The following ARHGEF28 variants were observed in gnomAD, a reference collection of about 807,000 sequenced individuals.
ARHGEF28 encodes the protein 190 kDa guanine nucleotide exchange factor.
A neutral mutation model predicts 206.6 loss-of-function variants in ARHGEF28; 152 were observed. The ratio of observed to expected loss-of-function variants is 0.74; its 90% CI spans 0.64 to 0.84. ARHGEF28 has a LOEUF of 0.84. Ranked by LOEUF, ARHGEF28 falls within the 40% of genes least tolerant of loss-of-function variation. The pLI, the probability that ARHGEF28 is intolerant of heterozygous loss-of-function variation, is 0.00. For synonymous variants in ARHGEF28, 763 were observed against 776.4 expected (o/e 0.98, Z 0.29); for missense variants, 2,028 against 2,073.2 (o/e 0.98, Z 0.42).
chr5:73,763,760 A>G (rs1580585072), intron 4 of ARHGEF28, among the ~76,000 whole-genome samples: 1 of 152,274 alleles, frequency 6.6e-6, no homozygotes, highest in Middle Eastern at 3.4e-3. Context: ...AAAAATCGAT[A>G]AAGGCTGGAA....
At chr5:73,628,809 A>G (rs899150512) in intron 1 of ARHGEF28, among the ~76,000 whole-genome samples, 7 of 152,120 alleles carry the variant, frequency 4.6e-5, no homozygotes, top group African/African-American at 1.4e-4. Context: ...GCTTTGAGAT[A>G]TTTTTCTTGC....
chr5:73,891,980 T>C, intron 26 of ARHGEF28, 72 bp from the exon 27 acceptor site: 1 of 1,410,112 alleles, frequency 7.1e-7, no homozygotes, highest in Middle Eastern at 2.4e-4. Flanking sequence ...TTGCTTCCTT[T>C]AGCTCATGTT....
chr5:73,732,698 C>T (rs372050021), intron 2 of ARHGEF28, among the ~76,000 whole-genome samples: 40 of 152,222 alleles, frequency 2.6e-4, no homozygotes, highest in East Asian at 9.6e-4. Flanking sequence ...GGGATTTGCT[C>T]GGTTTATTGC....
intron 6 of ARHGEF28, 197 bp from the exon 7 acceptor site, chr5:73,780,479 G>C: frequency 1.7e-6 from 1 of 573,010 alleles, no homozygotes; most frequent in Non-Finnish European, 3.1e-6. Context: ...CCCCTGCCTT[G>C]GAGTTTCTCC....
At chr5:73,882,411 T>C (rs1190950636) in intron 22 of ARHGEF28, 61 bp from the exon 23 acceptor site, 1 of 1,184,802 alleles carries the variant, frequency 8.4e-7, no homozygotes, top group African/African-American at 1.6e-5. Context: ...AAATTGCATA[T>C]TTTTTGTGTG....
chr5:73,817,789 T>G (rs955431136), intron 9 of ARHGEF28, among the ~76,000 whole-genome samples: 2 of 152,118 alleles, frequency 1.3e-5, no homozygotes, highest in African/African-American at 4.8e-5. Context: ...CCTGGTATGT[T>G]TCACCACCTC....
At chr5:73,783,969 G>A (rs1190888982) in intron 7 of ARHGEF28, among the ~76,000 whole-genome samples, 1 of 152,058 alleles carries the variant, frequency 6.6e-6, no homozygotes, top group African/African-American at 2.4e-5. Context: ...TTTTGTATTT[G>A]TCTACCCTTG....
intron 13 of ARHGEF28, among the ~76,000 whole-genome samples, chr5:73,851,422 A>ATTT (rs1758696986): frequency 7.0e-6 from 1 of 143,734 alleles, no homozygotes; most frequent in Admixed American, 7.0e-5. Context: ...TTTTTTTTTG[A>ATTT]GCCAAGAGTA....
At chr5:73,730,146 T>C (rs1342472256) in intron 2 of ARHGEF28, among the ~76,000 whole-genome samples, 1 of 152,240 alleles carries the variant, frequency 6.6e-6, no homozygotes, top group Non-Finnish European at 1.5e-5. Flanking sequence ...TGGTTAAGTT[T>C]ATAGCTTATA....
At chr5:73,668,209 G>T (rs1461144941) in intron 1 of ARHGEF28, among the ~76,000 whole-genome samples, 2 of 152,120 alleles carry the variant, frequency 1.3e-5, no homozygotes, top group South Asian at 2.1e-4. Context: ...TCATTTTCGG[G>T]TGTTTGTTAT....
At chr5:73,741,356 T>TGTGTGTGTGC in intron 2 of ARHGEF28, among the ~76,000 whole-genome samples, 1 of 44,822 alleles carries the variant, frequency 2.2e-5, no homozygotes, top group Non-Finnish European at 4.1e-5. Flanking sequence ...TGTGTGTGTG[T>TGTGTGTGTGC]GTGTGTGTGT....
intron 1 of ARHGEF28, among the ~76,000 whole-genome samples, chr5:73,658,930 A>G (rs1036657612): frequency 1.3e-4 from 19 of 151,472 alleles, no homozygotes; most frequent in African/African-American, 2.4e-5. Context: ...TGTATAGACC[A>G]CATACCTAGA....
chr5:73,857,042 A>G (rs1313025158), intron 14 of ARHGEF28, among the ~76,000 whole-genome samples: 1 of 152,110 alleles, frequency 6.6e-6, no homozygotes, highest in African/African-American at 2.4e-5. Flanking sequence ...AGTTACCTCT[A>G]CCTTGCTTCT....
At chr5:73,661,164 C>T (rs1745576554) in intron 1 of ARHGEF28, among the ~76,000 whole-genome samples, 1 of 152,258 alleles carries the variant, frequency 6.6e-6, no homozygotes, top group South Asian at 2.1e-4. Context: ...TAACTTGCTG[C>T]AGAGTCTACA....
rs150397802 is a variant in ARHGEF28 at position 73,718,178 on chromosome 5, T to C, written c.34-31659T>C. Among the ~76,000 whole-genome samples the C allele has an allele frequency of 7.2e-4, 109 of 152,240 alleles. 2 individuals are homozygous for C. In the East Asian group the frequency reaches 0.014, roughly 19 times the overall value. On this transcript the variant is annotated intron_variant, in intron 2 of 35. Coordinates refer to ENST00000513042, the MANE Select transcript of ARHGEF28 (RefSeq NM_001177693.2). ...TGAGCCACCACACTGGGCCAAAATT[T>C]GTTTTTGGTATGTATACTAGTTAGC...
chr5:73,742,595 C>T (rs529799681), intron 2 of ARHGEF28, among the ~76,000 whole-genome samples: 3 of 151,272 alleles, frequency 2.0e-5, no homozygotes, highest in Admixed American at 6.6e-5. Context: ...GAGGCCGAGG[C>T]GGGTGGATCA....
Position 73,873,177 on chromosome 5 carries a change from G to T in ARHGEF28, c.2745G>T (p.Arg915Ser). The T allele has an allele frequency of 6.2e-7, 1 of 1,612,336 alleles. No individual in the cohort carries two copies. Among genetic ancestry groups the T allele is most frequent in the Non-Finnish European group, 8.5e-7 (1 of 1,179,258 alleles). The part of the protein sequence containing the change: ...RHFFYSMKER[R>S]QESCAGSDRN... ...TCTTCTACAGTATGAAGGAACGAAG[G>T]CAGGAATCCTGTGCTGGCAGCGACA... The change falls in exon 22 of 36, where the codon AGG becomes AGT. Residue 915 changes from arginine to serine, a missense_variant. By Grantham distance (110) the Arg-to-Ser change is moderately radical. Around this residue, in one of 3 missense-constraint regions of ARHGEF28, gnomAD observed 223 missense variants for 289.9 expected, o/e 0.77. Coordinates refer to ENST00000513042, the MANE Select transcript of ARHGEF28 (RefSeq NM_001177693.2).
rs528465811 is a variant in ARHGEF28, at chr5:73,721,640, A to G, written c.34-28197A>G. 2.6e-5 allele frequency among the ~76,000 whole-genome samples: 4 copies of G among 152,086 alleles called. No individual in the cohort carries two copies. The South Asian group carries it at 8.3e-4, about 32-fold the overall frequency. On this transcript the variant is annotated intron_variant, in intron 2 of 35. Transcript: ENST00000513042. ...CAGGCTGGAGTGCAGTGGTGTGATC[A>G]TAGCTCACTGCAGCCTGGACCTCCT...
At position 73,656,106 on chromosome 5, in the gene ARHGEF28, A is replaced by G. The variant is rs13189613; in HGVS notation, c.-11-28735A>G. Among the ~76,000 whole-genome samples the G allele has an allele frequency of 7.2e-3, 1,098 of 152,340 alleles. 8 individuals are homozygous for G. The highest frequency in any genetic ancestry group is 7.8e-3 in the Non-Finnish European group (532 of 68,032). ...GCTGTTCCAGCTCAGGCTCTGCAAT[A>G]GGTGCCGAAAAGCCTCCCTTCTTCC... On this transcript the variant is annotated intron_variant, in intron 1 of 35. Coordinates refer to ENST00000513042, the MANE Select transcript of ARHGEF28 (RefSeq NM_001177693.2).
Sources: allele counts gnomAD v4.1 joint callset (sites outside exome capture counted in the v4.1 genomes callset), GRCh38; gene constraint gnomAD v4.1.1; regional missense constraint gnomAD v4.1.1; transcripts MANE v1.5; gene names NCBI Gene and HGNC (gene_info 2026-07-23, HGNC 2026-07-21).